CELF4: variants seen among roughly 807,000 people sequenced by gnomAD.
CELF4 encodes the protein CUG-BP- and ETR-3-like factor 4.
CELF4 carries 18 observed loss-of-function variants against 59.9 expected under a neutral mutation model. The ratio of observed to expected loss-of-function variants is 0.30; its 90% CI spans 0.21 to 0.45. The LOEUF (loss-of-function observed/expected upper bound fraction) is 0.45. Ranked by LOEUF, CELF4 falls within the 20% of genes least tolerant of loss-of-function variation. The pLI is 1.00. For missense variants in CELF4, 456 were observed against 689.0 expected (o/e 0.66, Z 3.79); for synonymous variants, 261 against 267.1 (o/e 0.98, Z 0.22).
At chr18:37,560,385 T>C (rs2099986181) in intron 1 of CELF4, among the ~76,000 whole-genome samples, 1 of 152,270 alleles carries the variant, frequency 6.6e-6, no homozygotes, top group Admixed American at 6.5e-5. Flanking sequence ...CAATATTTTT[T>C]CTTTGCTCTT....
chr18:37,249,434 C>T (rs112546076), intron 12 of CELF4, among the ~76,000 whole-genome samples: 3,874 of 152,286 alleles, frequency 0.025, 63 homozygotes, highest in Middle Eastern at 0.075. Flanking sequence ...AGAGTGCAAC[C>T]GCTTGTCAGG....
chr18:37,382,613 T>G (rs761714666), intron 2 of CELF4, among the ~76,000 whole-genome samples: 1 of 152,208 alleles, frequency 6.6e-6, no homozygotes. Flanking sequence ...GCCTGAGTCA[T>G]GCCTTTTCTA....
chr18:37,435,436 G>A (rs923895360), intron 2 of CELF4, among the ~76,000 whole-genome samples: 20 of 152,148 alleles, frequency 1.3e-4, no homozygotes, highest in African/African-American at 4.8e-4. Context: ...CTGGGGTGGG[G>A]CTGCCCCTTT....
intron 2 of CELF4, among the ~76,000 whole-genome samples, chr18:37,467,983 G>A (rs1050754051): frequency 1.4e-4 from 21 of 151,812 alleles, no homozygotes; most frequent in Middle Eastern, 3.4e-3. Flanking sequence ...GTGTATGTGC[G>A]TGCATGTGTG....
chr18:37,565,629 T>C lies in CELF4; in HGVS notation c.13A>G (p.Met5Val). 1 of 1,598,302 alleles carries C rather than the reference T, an allele frequency of 6.3e-7. No homozygotes were observed. Among genetic ancestry groups the C allele is most frequent in the Non-Finnish European group, 8.5e-7 (1 of 1,170,440 alleles). ...GCCTGTCCGTTTGCTAACGTGGCCA[T>C]CTTTATATACATAGAGAAAATCTTC... MYIKMATLANGQADN... is the reference protein window; with the variant it reads MYIKVATLANGQADN... Residue 5 changes from methionine to valine, a missense_variant, in exon 1 of 13, where the codon ATG becomes GTG. By Grantham distance (21) the Met-to-Val change is conservative (BLOSUM62 1). Transcript: ENST00000420428.
intron 2 of CELF4, among the ~76,000 whole-genome samples, chr18:37,418,961 C>G (rs2099551048): frequency 6.6e-6 from 1 of 152,186 alleles, no homozygotes; most frequent in Admixed American, 6.5e-5. Context: ...GTGCCTGTGT[C>G]TAGTCTAGCA....
At chr18:37,517,875 T>C (rs1049930681) in intron 1 of CELF4, among the ~76,000 whole-genome samples, 5 of 152,204 alleles carry the variant, frequency 3.3e-5, no homozygotes, top group Non-Finnish European at 5.9e-5. Flanking sequence ...GGATTCCCCG[T>C]GGCAGATCAC....
intron 2 of CELF4, among the ~76,000 whole-genome samples, chr18:37,389,718 C>T (rs532032488): frequency 1.6e-4 from 24 of 152,248 alleles, no homozygotes; most frequent in Non-Finnish European, 3.4e-4. Flanking sequence ...TCACACTGAG[C>T]GTCACACGTA....
intron 2 of CELF4, among the ~76,000 whole-genome samples, chr18:37,397,806 G>A: frequency 6.6e-6 from 1 of 152,166 alleles, no homozygotes; most frequent in South Asian, 2.1e-4. Context: ...TGGAGCTGGG[G>A]CTCGAACCCA....
intron 2 of CELF4, among the ~76,000 whole-genome samples, chr18:37,469,156 A>G (rs2099815489): frequency 6.6e-6 from 1 of 152,106 alleles, no homozygotes; most frequent in Non-Finnish European, 1.5e-5. Flanking sequence ...GCAGGGCAAC[A>G]CCATTGGCTC....
Position 37,273,047 on chromosome 18 carries a change from G to C in CELF4, c.918C>G (p.Gly306=). The C allele has an allele frequency of 6.2e-7, 1 of 1,612,254 alleles. No individual in the cohort carries two copies. The highest frequency in any genetic ancestry group is 8.5e-7 in the Non-Finnish European group (1 of 1,179,822). ...TTGGGGTCATAGGTGCGGCCGCCAG[G>C]CCATTCATGTTGAGGGCCGCCATCT... ...MQQMAALNMN[G]LAAAPMTPTS... Residue 306 remains glycine, a synonymous_variant, in exon 7 of 13, where the codon GGC becomes GGG. Coordinates refer to ENST00000420428, the MANE Select transcript of CELF4 (RefSeq NM_020180.4).
In CELF4 at chr18:37,243,729, T is replaced by C. The variant is rs975808420; in HGVS notation, c.*1513A>G. 5.2e-5 allele frequency: 8 copies of C among 153,016 alleles called. No individual in the cohort carries two copies. The highest frequency in any genetic ancestry group is 1.9e-4 in the African/African-American group (8 of 41,166). The allele number at this position is 153,016 out of a possible 1,614,324, so 9.5% of individuals were successfully genotyped here. A position where few individuals can be genotyped will look rare whatever the true frequency, so the allele number is the denominator to read the frequency against. The stretch of plus-strand genomic sequence containing the variant: ...AGTTTCAGAAATTCTTCAAAGATTG[T>C]TTATTTTTCTCTCTCTTTTTTAAGG... On this transcript the variant is annotated 3_prime_UTR_variant, in exon 13 of 13. Coordinates refer to ENST00000420428, the MANE Select transcript of CELF4 (RefSeq NM_020180.4).
intron 2 of CELF4, among the ~76,000 whole-genome samples, chr18:37,413,809 G>A (rs2099497572): frequency 6.6e-6 from 1 of 152,206 alleles, no homozygotes; most frequent in Admixed American, 6.5e-5. Flanking sequence ...AGTGCCCTCT[G>A]GTGTGAAGGA....
intron 1 of CELF4, among the ~76,000 whole-genome samples, chr18:37,555,663 T>C (rs1016282195): frequency 5.9e-5 from 9 of 152,222 alleles, no homozygotes; most frequent in Admixed American, 1.3e-4. Context: ...TTATTAATAA[T>C]GGATATCTAT....
rs1419773047 is a variant in CELF4 at position 37,538,862 on chromosome 18, C to T, written c.286+26494G>A. 5.3e-5 allele frequency among the ~76,000 whole-genome samples: 8 copies of T among 152,182 alleles called. No homozygotes were observed. The South Asian group carries it at 1.0e-3, about 20-fold the overall frequency. ...CCAGGCTGTAAACAACATGCTAAGGCGGGACTCCTGCTCCGTTCCTCCCGT... is the reference window on the plus strand; with the variant it reads ...CCAGGCTGTAAACAACATGCTAAGGTGGGACTCCTGCTCCGTTCCTCCCGT... On this transcript the variant is annotated intron_variant, in intron 1 of 12. Transcript: ENST00000420428.
At chr18:37,275,293 G>T (rs1398906963) in intron 3 of CELF4, 50 bp from the exon 4 acceptor site, 1 of 1,608,442 alleles carries the variant, frequency 6.2e-7, no homozygotes, top group African/African-American at 1.3e-5. Flanking sequence ...CGGGCTGCGC[G>T]GGAGCAGGGC....
chr18:37,450,321 C>T (rs1055472669), intron 2 of CELF4, among the ~76,000 whole-genome samples: 1 of 151,676 alleles, frequency 6.6e-6, no homozygotes, highest in Non-Finnish European at 1.5e-5. Context: ...CTCTCGCCCT[C>T]TCTTTGTGCT....
chr18:37,391,346 C>T lies in CELF4; in HGVS notation c.370-69465G>A, dbSNP rs2099159881. Among the ~76,000 whole-genome samples, 3 of 152,230 alleles carry T rather than the reference C, an allele frequency of 2.0e-5. No homozygotes were observed. The South Asian group carries it at 6.2e-4, about 32-fold the overall frequency. On this transcript the variant is annotated intron_variant, in intron 2 of 12. Transcript: ENST00000420428. Reference sequence around the variant, plus strand: ...GGAGCAGCACCCTTGCCCGTGCCTGCAGGAATGGACCCTGGCATCCCTTGC... The same window carrying T: ...GGAGCAGCACCCTTGCCCGTGCCTGTAGGAATGGACCCTGGCATCCCTTGC...
intron 2 of CELF4, among the ~76,000 whole-genome samples, chr18:37,421,894 C>A (rs2099580651): frequency 6.6e-6 from 1 of 152,264 alleles, no homozygotes; most frequent in Non-Finnish European, 1.5e-5. Flanking sequence ...GGAAGGCAAT[C>A]CTCACACCTC....
Sources: gnomAD v4.1 joint callset for allele counts (sites outside exome capture counted in the v4.1 genomes callset) on GRCh38, gnomAD v4.1.1 for gene constraint, MANE v1.5 for transcripts, NCBI Gene and HGNC (gene_info 2026-07-23, HGNC 2026-07-21) for gene names.